RAB11FIP3: variants seen among roughly 807,000 people sequenced by gnomAD.
The protein encoded by RAB11FIP3 is RAB11 family interacting protein 3.
A neutral mutation model predicts 77.8 loss-of-function variants in RAB11FIP3; 17 were observed. The observed-to-expected ratio is 0.22, with a 90% CI of 0.15 to 0.33. The LOEUF (loss-of-function observed/expected upper bound fraction) is 0.33. Ranked by LOEUF, RAB11FIP3 falls within the 10% of genes least tolerant of loss-of-function variation. The pLI is 1.00. For missense variants in RAB11FIP3, 1,005 were observed against 1,011.2 expected (o/e 0.99, Z 0.08); for synonymous variants, 437 against 448.2 (o/e 0.98, Z 0.31).
chr16:499,968 G>A (rs998109333), intron 6 of RAB11FIP3, among the ~76,000 whole-genome samples: 1 of 152,172 alleles, frequency 6.6e-6, no homozygotes, highest in Non-Finnish European at 1.5e-5. Flanking sequence ...CAAAATAAAC[G>A]TCGCGATTCG....
chr16:492,519 CCGGGAGACCCGAGG>C (rs2030643062), intron 5 of RAB11FIP3, among the ~76,000 whole-genome samples: 1 of 150,926 alleles, frequency 6.6e-6, no homozygotes, highest in Non-Finnish European at 1.5e-5. Flanking sequence ...CAGGGCCCTC[CCGGGAGACCCGAGG>C]CCGTCCAGAA....
rs74003952 is a variant in RAB11FIP3, at chr16:503,116, G to A, written c.1395+19G>A. ...TGACAAGGTAGGCCCTGGAGGGCTG[G>A]GTAGGTGGCAAGTAGGGGATTTAGA... On this transcript the variant is annotated intron_variant, in intron 7 of 13. Transcript: ENST00000262305. The A allele has an allele frequency of 0.068, 107,209 of 1,583,274 alleles. 4,140 individuals are homozygous for A. Among genetic ancestry groups the A allele is most frequent in the African/African-American group, 0.13 (9,778 of 74,046 alleles).
intron 10 of RAB11FIP3, among the ~76,000 whole-genome samples, 196 bp from the exon 11 acceptor site, chr16:519,558 C>T (rs117981126): frequency 0.011 from 1,715 of 152,356 alleles, 14 homozygotes; most frequent in Non-Finnish European, 0.017. Flanking sequence ...GCGTGTGCGC[C>T]TCTACCCAGA....
chr16:432,151 G>A (rs1423062651), intron 1 of RAB11FIP3, among the ~76,000 whole-genome samples: 1 of 152,196 alleles, frequency 6.6e-6, no homozygotes, highest in Non-Finnish European at 1.5e-5. Context: ...GGGAGGCCAA[G>A]GCGGGTGGAT....
chr16:461,465 T>C lies in RAB11FIP3; in HGVS notation c.776T>C (p.Phe259Ser). 6.2e-7 allele frequency: 1 copy of C among 1,613,840 alleles called. No homozygotes were observed. Among genetic ancestry groups the C allele is most frequent in the South Asian group, 1.1e-5 (1 of 91,070 alleles). Residue 259 changes from phenylalanine (F) to serine (S), a missense_variant, in exon 2 of 14, where the codon TTC becomes TCC. Coordinates refer to ENST00000262305, the MANE Select transcript of RAB11FIP3 (RefSeq NM_014700.4). The surrounding 1 kb of genome is among the most constrained non-coding windows in gnomAD (Gnocchi z 4.5). ...CTCGGCGTGATCAGCTTTGAAGACT[T>C]CTACCAAGGGATCACAGCCATCAGA... ...SGLGVISFED[F>S]YQGITAIRNG... is the part of the protein sequence containing the mutation.
At chr16:520,036 A>G (rs1323585501) in intron 11 of RAB11FIP3, 86 bp from the exon 12 acceptor site, 3 of 1,529,876 alleles carry the variant, frequency 2.0e-6, no homozygotes, top group East Asian at 4.9e-5. Flanking sequence ...CGGCCAGATC[A>G]ACCCTGAGGT....
chr16:520,608 TC>T lies in RAB11FIP3; in HGVS notation c.2157+12del, dbSNP rs1217120131. 4 of 1,612,852 alleles carry T rather than the reference TC, an allele frequency of 2.5e-6. No individual in the cohort carries two copies. In the Admixed American group the frequency reaches 6.7e-5, roughly 27 times the overall value. On this transcript the variant is annotated intron_variant, in intron 13 of 13. Transcript: ENST00000262305. ...CCGTCTCCCGAGATGAGGTAACACA[TC>T]CCGTGTCTGCACGGTGTGGCCTGGG...
intron 11 of RAB11FIP3, 36 bp from the exon 12 acceptor site, chr16:520,086 C>A: frequency 6.5e-7 from 1 of 1,540,206 alleles, no homozygotes. Flanking sequence ...CCCTGGGAGC[C>A]CAGGCCCCCC....
rs548910707 is a variant in RAB11FIP3 at position 506,646 on chromosome 16, C to A, written c.1499+1019C>A. On this transcript the variant is annotated intron_variant, in intron 8 of 13. Transcript: ENST00000262305. The surrounding 1 kb of genome is among the most constrained non-coding windows in gnomAD (Gnocchi z 4.5). ...CAAGCCCTCACCCTCACGGTACTAA[C>A]ATTTGTGACCATCTGCCCTGTGAGC... Among the ~76,000 whole-genome samples, 1 of 152,336 alleles carries A rather than the reference C, an allele frequency of 6.6e-6. No individual in the cohort carries two copies. Among genetic ancestry groups the A allele is most frequent in the South Asian group, 2.1e-4 (1 of 4,824 alleles).
At chr16:500,718 T>TAAAAAAAA (rs2031458928) in intron 6 of RAB11FIP3, among the ~76,000 whole-genome samples, 1 of 117,786 alleles carries the variant, frequency 8.5e-6, no homozygotes, top group African/African-American at 3.5e-5. Flanking sequence ...AAAAAAAAAT[T>TAAAAAAAA]AAATAAGTAA....
chr16:507,710 T>A lies in RAB11FIP3; in HGVS notation c.1499+2083T>A, dbSNP rs2031943781. The stretch of plus-strand genomic sequence containing the variant: ...ATTCAGTTCCTGTGGCTGTTCCCTG[T>A]GGTGCTCACCTCCAACGTCCTAAAC... On this transcript the variant is annotated intron_variant, in intron 8 of 13. Transcript: ENST00000262305. The surrounding 1 kb of genome is among the most constrained non-coding windows in gnomAD (Gnocchi z 4.6). Among the ~76,000 whole-genome samples, 1 of 152,260 alleles carries A rather than the reference T, an allele frequency of 6.6e-6. No individual in the cohort carries two copies.
chr16:484,599 C>T lies in RAB11FIP3; in HGVS notation c.1115+1863C>T, dbSNP rs1456685646. Among the ~76,000 whole-genome samples, 8 of 152,332 alleles carry T rather than the reference C, an allele frequency of 5.3e-5. No individual in the cohort carries two copies. The East Asian group carries it at 1.4e-3, about 26-fold the overall frequency. ...AACCCCTGGCCTCAGGCGATCCGCC[C>T]GCCTCGGCCTCCCGAAGTGCTGGGA... On this transcript the variant is annotated intron_variant, in intron 4 of 13. Transcript: ENST00000262305.
intron 4 of RAB11FIP3, among the ~76,000 whole-genome samples, chr16:483,393 G>A (rs1230340914): frequency 1.3e-5 from 2 of 152,182 alleles, no homozygotes; most frequent in African/African-American, 4.8e-5. Context: ...GGGAGGTCAG[G>A]CAGGCCTCAT....
At chr16:457,270 T>C (rs2055519571) in intron 1 of RAB11FIP3, among the ~76,000 whole-genome samples, 1 of 152,172 alleles carries the variant, frequency 6.6e-6, no homozygotes, top group African/African-American at 2.4e-5. Context: ...GATTAGTGGA[T>C]CATGTTTCTA....
At chr16:480,286 C>CAAAAAAAAGA (rs752259728) in intron 3 of RAB11FIP3, among the ~76,000 whole-genome samples, 4 of 80,024 alleles carry the variant, frequency 5.0e-5, no homozygotes, top group African/African-American at 1.9e-4. Flanking sequence ...ACTCCTTCTC[C>CAAAAAAAAGA]AAAAAAAAAA....
intron 1 of RAB11FIP3, chr16:453,481 T>C (rs571214717): frequency 1.8e-4 from 28 of 152,296 alleles, no homozygotes; most frequent in African/African-American, 6.3e-4. Context: ...ACAGTGCTTT[T>C]ATTCTAGACT....
rs147491889 is a variant in RAB11FIP3, at chr16:451,056, A to G, written c.715-10348A>G. On this transcript the variant is annotated intron_variant, in intron 1 of 13. Transcript: ENST00000262305. Reference sequence around the variant, plus strand: ...TCATGTTTGCTGAAAGCTTGAATGTATCCACTTGGCTGTTTTCCAAGTATT... The same window carrying G: ...TCATGTTTGCTGAAAGCTTGAATGTGTCCACTTGGCTGTTTTCCAAGTATT... Among the ~76,000 whole-genome samples the G allele has an allele frequency of 1.2e-4, 19 of 152,208 alleles. No individual in the cohort carries two copies. The East Asian group carries it at 3.7e-3, about 29-fold the overall frequency.
chr16:520,765 C>T lies in RAB11FIP3; in HGVS notation c.2197C>T (p.Arg733Cys), dbSNP rs909570113. The T allele has an allele frequency of 3.1e-5, 50 of 1,613,670 alleles. No individual in the cohort carries two copies. The highest frequency in any genetic ancestry group is 8.3e-5 in the Admixed American group (5 of 60,006). Residue 733 changes from arginine to cysteine, a missense_variant, in exon 14 of 14, where the codon CGC (arginine) becomes TGC (cysteine). Arg to Cys is a radical substitution (Grantham distance 180). Transcript: ENST00000262305. ...AIQKQEEINF[R>C]LQDYIDRIIV... Reference sequence around the variant, plus strand: ...TCAGAAGCAGGAGGAGATCAACTTCCGCCTGCAGGACTACATCGACAGGAT... The same window carrying T: ...TCAGAAGCAGGAGGAGATCAACTTCTGCCTGCAGGACTACATCGACAGGAT...
At chr16:512,398 G>T (rs912006463) in intron 9 of RAB11FIP3, among the ~76,000 whole-genome samples, 1 of 151,256 alleles carries the variant, frequency 6.6e-6, no homozygotes, top group East Asian at 2.0e-4. Flanking sequence ...CTGCCACCAC[G>T]CCCGGCTAAT....
Sources: gnomAD v4.1 joint callset for allele counts (sites outside exome capture counted in the v4.1 genomes callset) on GRCh38, gnomAD v4.1.1 for gene constraint, Gnocchi (gnomAD v3.1) non-coding constraint, MANE v1.5 for transcripts, NCBI Gene and HGNC (gene_info 2026-07-23, HGNC 2026-07-21) for gene names.